The following ZNF846 variants were observed in gnomAD, a reference collection of about 807,000 sequenced individuals.
The protein encoded by ZNF846 is zinc finger protein 846.
In ZNF846, 15 loss-of-function variants were observed where a neutral mutation model predicts 16.0. The observed-to-expected ratio is 0.94, with a 90% confidence interval of 0.63 to 1.45. The LOEUF (loss-of-function observed/expected upper bound fraction) is 1.45. Ranked by LOEUF, ZNF846 falls within the 40% of genes most tolerant of loss-of-function variation. The pLI, the probability that ZNF846 is intolerant of heterozygous loss-of-function variation, is 0.00. For missense variants in ZNF846, 714 were observed against 622.3 expected (o/e 1.15, Z -1.57); for synonymous variants, 229 against 212.0 (o/e 1.08, Z -0.70).
At chr19:9,750,782 T>C (rs1244856249), downstream of ZNF846, among the ~76,000 whole-genome samples, 3 of 152,218 alleles carry the variant, frequency 2.0e-5, no homozygotes, top group Non-Finnish European at 2.9e-5. Context: ...CTCTAATGAC[T>C]TCTCTGTTTA....
chr19:9,758,258 G>T (rs989527144), exon 6 of ZNF846: 11 of 1,612,550 alleles, frequency 6.8e-6, no homozygotes, highest in Non-Finnish European at 8.5e-6. Flanking sequence ...TGTGAGTTCT[G>T]ATGTGTAATT....
chr19:9,749,197 G>T (rs1418859533), downstream of ZNF846, among the ~76,000 whole-genome samples: 2 of 152,060 alleles, frequency 1.3e-5, no homozygotes, highest in Non-Finnish European at 2.9e-5. Flanking sequence ...AACAGTAATA[G>T]CCCTTATAAA....
downstream of ZNF846, among the ~76,000 whole-genome samples, chr19:9,750,527 T>C (rs903282914): frequency 6.6e-6 from 1 of 152,192 alleles, no homozygotes; most frequent in Non-Finnish European, 1.5e-5. Context: ...CTCTTATTTT[T>C]CTGTGGTTCT....
chr19:9,754,085 A>G (rs2045110602), downstream of ZNF846, among the ~76,000 whole-genome samples: 1 of 151,334 alleles, frequency 6.6e-6, no homozygotes. Flanking sequence ...TAATTTTTTT[A>G]TCTTCTTGAT....
downstream of ZNF846, among the ~76,000 whole-genome samples, chr19:9,755,307 A>G (rs1168887910): frequency 6.6e-6 from 1 of 151,680 alleles, no homozygotes; most frequent in Non-Finnish European, 1.5e-5. Context: ...CAGAAAATTT[A>G]CTGTCCATGA....
At chr19:9,750,678 C>T (rs547675673), downstream of ZNF846, among the ~76,000 whole-genome samples, 100 of 152,336 alleles carry the variant, frequency 6.6e-4, no homozygotes, top group African/African-American at 2.2e-3. Flanking sequence ...CCATTAATCC[C>T]TTTACTTGTG....
chr19:9,774,520 T>A, intron 1 of ZNF846: 2 of 1,260,476 alleles, frequency 1.6e-6, no homozygotes, highest in Non-Finnish European at 2.3e-6. Flanking sequence ...GGAGGCTGAT[T>A]AAGAGCTTGA....
intron 1 of ZNF846, among the ~76,000 whole-genome samples, chr19:9,779,332 G>C (rs538761749): frequency 6.6e-6 from 1 of 152,040 alleles, no homozygotes; most frequent in Non-Finnish European, 1.5e-5. Flanking sequence ...GTAATAACAC[G>C]ATCATGGCTT....
At chr19:9,759,245 G>A (rs919504919) in intron 5 of ZNF846, among the ~76,000 whole-genome samples, 14 of 151,808 alleles carry the variant, frequency 9.2e-5, no homozygotes, top group African/African-American at 1.5e-4. Context: ...TGATCTGCCC[G>A]CTTTGGCCTC....
At chr19:9,777,843 CA>C (rs199517732) in intron 1 of ZNF846, among the ~76,000 whole-genome samples, 6 of 149,828 alleles carry the variant, frequency 4.0e-5, no homozygotes, top group African/African-American at 1.5e-4. Flanking sequence ...CTAAAAAATA[CA>C]AAAAAAAAGC....
chr19:9,786,033 C>G (rs1453226720), exon 1 of ZNF846: 4 of 151,866 alleles, frequency 2.6e-5, no homozygotes, highest in African/African-American at 9.7e-5. Context: ...TGATTCCGCT[C>G]CAGGGTTTCA....
chr19:9,770,954 T>C (rs1406285202), upstream of ZNF846, among the ~76,000 whole-genome samples: 1 of 149,808 alleles, frequency 6.7e-6, no homozygotes, highest in South Asian at 2.1e-4. Flanking sequence ...TGGAAAAAGG[T>C]TTATTTATTT....
intron 4 of ZNF846, among the ~76,000 whole-genome samples, chr19:9,760,887 T>C (rs1209004768): frequency 6.6e-6 from 1 of 151,438 alleles, no homozygotes; most frequent in Non-Finnish European, 1.5e-5. Context: ...ATGGTTTCCT[T>C]TTGGTGTGAT....
At chr19:9,750,591 C>G (rs1208252558), downstream of ZNF846, among the ~76,000 whole-genome samples, 1 of 152,216 alleles carries the variant, frequency 6.6e-6, no homozygotes, top group Non-Finnish European at 1.5e-5. Context: ...TTCCTTACCC[C>G]CAAAATCCAG....
exon 6 of ZNF846, chr19:9,757,973 A>G: frequency 2.5e-6 from 4 of 1,613,684 alleles, no homozygotes; most frequent in Non-Finnish European, 3.4e-6. Flanking sequence ...CACATGCCTT[A>G]CATAAATACA....
chr19:9,781,777 A>ATTTT (rs112251619), intron 1 of ZNF846, among the ~76,000 whole-genome samples: 1 of 139,992 alleles, frequency 7.1e-6, no homozygotes, highest in Non-Finnish European at 1.6e-5. Context: ...AGGGCAAACA[A>ATTTT]TTTTTTTTTT....
At chr19:9,774,880 A>G (rs1372432476) in intron 1 of ZNF846, 2 of 1,610,066 alleles carry the variant, frequency 1.2e-6, no homozygotes, top group Non-Finnish European at 1.7e-6. Flanking sequence ...TAGCTGAAGA[A>G]TACTCTAAGG....
intron 1 of ZNF846, chr19:9,785,872 T>TCCCTCACCGAGACCCCGCCCCATCTCC (rs2045555518): frequency 1.4e-5 from 1 of 72,656 alleles, no homozygotes. Flanking sequence ...CTCCCATCTC[T>TCCCTCACCGAGACCCCGCCCCATCTCC]CCCTCACCGA....
chr19:9,760,422 TG>T (rs2045206058), intron 4 of ZNF846, among the ~76,000 whole-genome samples: 1 of 151,580 alleles, frequency 6.6e-6, no homozygotes, highest in South Asian at 2.1e-4. Context: ...TGTGCTGGGC[TG>T]GGTGTGGTGG....
Sources: allele counts gnomAD v4.1 joint callset (sites outside exome capture counted in the v4.1 genomes callset), GRCh38; gene constraint gnomAD v4.1.1; transcripts MANE v1.5; gene names NCBI Gene and HGNC (gene_info 2026-07-23, HGNC 2026-07-21).